Variants in CCSER1 observed in about 807,000 individuals in gnomAD.
The protein encoded by CCSER1 is serine-rich coiled-coil domain-containing protein 1.
Under a neutral mutation model 82.0 loss-of-function variants are expected in CCSER1, and 41 were observed. That is an observed-to-expected ratio of 0.50 (90% CI 0.39 to 0.65). The LOEUF is 0.65. CCSER1 is among the 30% of genes least tolerant of loss of function. CCSER1 has a pLI of 0.00. For synonymous variants in CCSER1, 414 were observed against 383.9 expected (o/e 1.08, Z -0.92); for missense variants, 1,119 against 1,064.2 (o/e 1.05, Z -0.72).
At chr4:90,719,532 C>T (rs577132029) in intron 6 of CCSER1, among the ~76,000 whole-genome samples, 9 of 152,110 alleles carry the variant, frequency 5.9e-5, no homozygotes, top group African/African-American at 2.2e-4. Context: ...AGGTTGAAGA[C>T]CATTGCTTTA....
intron 1 of CCSER1, among the ~76,000 whole-genome samples, chr4:90,236,782 C>T (rs967100752): frequency 1.3e-5 from 2 of 151,080 alleles, no homozygotes; most frequent in South Asian, 2.1e-4. Flanking sequence ...AAAAAATTTG[C>T]GGGAATTTTG....
At chr4:90,740,053 C>G (rs1212635090) in intron 7 of CCSER1, among the ~76,000 whole-genome samples, 1 of 152,100 alleles carries the variant, frequency 6.6e-6, no homozygotes, top group African/African-American at 2.4e-5. Context: ...ATTGCTCCGC[C>G]TTCGTCACTA....
chr4:91,321,351 C>T (rs992379820), intron 10 of CCSER1, among the ~76,000 whole-genome samples: 8 of 151,982 alleles, frequency 5.3e-5, no homozygotes, highest in African/African-American at 1.4e-4. Context: ...ATAGCTTGAG[C>T]GGCCAAAATT....
chr4:91,288,514 C>G (rs767483512), intron 10 of CCSER1, among the ~76,000 whole-genome samples: 14 of 151,904 alleles, frequency 9.2e-5, no homozygotes, highest in Admixed American at 2.0e-4. Flanking sequence ...TGAGAATTTG[C>G]ACCTGCTTAC....
At chr4:90,482,431 T>C (rs1375464580) in intron 5 of CCSER1, among the ~76,000 whole-genome samples, 1 of 152,210 alleles carries the variant, frequency 6.6e-6, no homozygotes, top group Non-Finnish European at 1.5e-5. Context: ...ATGTGTTTGC[T>C]CTTGCTTCTC....
chr4:91,556,288 C>A (rs1006903768), intron 10 of CCSER1, among the ~76,000 whole-genome samples: 3 of 77,342 alleles, frequency 3.9e-5, no homozygotes, highest in Non-Finnish European at 7.5e-5. Context: ...CCCAACTTAT[C>A]TGTAAACTGT....
chr4:90,685,366 T>G (rs17183003), intron 6 of CCSER1, among the ~76,000 whole-genome samples: 1 of 151,874 alleles, frequency 6.6e-6, no homozygotes, highest in Non-Finnish European at 1.5e-5. Context: ...CCCTGGTAGA[T>G]TTTTCAGAAT....
chr4:90,304,467 C>T (rs1177037113), intron 1 of CCSER1, among the ~76,000 whole-genome samples: 11 of 152,248 alleles, frequency 7.2e-5, no homozygotes, highest in Non-Finnish European at 1.2e-4. Context: ...ACTATGCAGC[C>T]ATAAAAAATG....
At chr4:91,458,356 C>T (rs1379695262) in intron 10 of CCSER1, among the ~76,000 whole-genome samples, 1 of 152,104 alleles carries the variant, frequency 6.6e-6, no homozygotes, top group African/African-American at 2.4e-5. Context: ...TCTGGGTTCT[C>T]TCTTCTCTTC....
chr4:91,578,189 C>G (rs924454729), intron 10 of CCSER1, among the ~76,000 whole-genome samples: 3 of 151,898 alleles, frequency 2.0e-5, no homozygotes, highest in Non-Finnish European at 4.4e-5. Flanking sequence ...CCTGGAATAT[C>G]TTGTCTTCTG....
intron 10 of CCSER1, among the ~76,000 whole-genome samples, chr4:91,232,474 G>A (rs564489582): frequency 6.6e-6 from 1 of 151,892 alleles, no homozygotes; most frequent in East Asian, 1.9e-4. Flanking sequence ...ACAGCATAGT[G>A]TATATAATAT....
chr4:91,396,075 T>C (rs17018451), intron 10 of CCSER1, among the ~76,000 whole-genome samples: 4,887 of 152,168 alleles, frequency 0.032, 245 homozygotes, highest in African/African-American at 0.11. Flanking sequence ...TCAGACCTAG[T>C]ACTTGAAATA....
chr4:90,665,479 G>A (rs557772978), intron 6 of CCSER1, among the ~76,000 whole-genome samples: 1 of 151,828 alleles, frequency 6.6e-6, no homozygotes, highest in Non-Finnish European at 1.5e-5. Context: ...CCGCCACCTC[G>A]CCCGGCTAAT....
chr4:91,520,571 T>A (rs1017563992), intron 10 of CCSER1, among the ~76,000 whole-genome samples: 2 of 152,176 alleles, frequency 1.3e-5, no homozygotes, highest in African/African-American at 2.4e-5. Flanking sequence ...AAAAACACAT[T>A]TTTTACTGTG....
At chr4:90,781,958 G>A in intron 7 of CCSER1, 1 of 905,782 alleles carries the variant, frequency 1.1e-6, no homozygotes, top group Non-Finnish European at 1.3e-6. Context: ...TGTATTAAAT[G>A]CCCGATATAG....
At chr4:90,140,271 A>T (rs2153333608) in intron 1 of CCSER1, among the ~76,000 whole-genome samples, 1 of 152,316 alleles carries the variant, frequency 6.6e-6, no homozygotes, top group Non-Finnish European at 1.5e-5. Context: ...AGTGAAACTT[A>T]AAGGGATGAA....
chr4:91,377,811 T>G (rs1301213014), intron 10 of CCSER1, among the ~76,000 whole-genome samples: 2 of 152,214 alleles, frequency 1.3e-5, no homozygotes, highest in Admixed American at 1.3e-4. Flanking sequence ...GTTTTAGACA[T>G]GAAGTCCTTG....
intron 10 of CCSER1, among the ~76,000 whole-genome samples, chr4:91,534,120 CTA>C (rs1761176383): frequency 6.6e-6 from 1 of 152,066 alleles, no homozygotes; most frequent in South Asian, 2.1e-4. Context: ...TAGCCACAAT[CTA>C]TACTCCGTCA....
chr4:90,785,226 TG>T (rs1338572067), intron 7 of CCSER1, among the ~76,000 whole-genome samples: 7 of 152,002 alleles, frequency 4.6e-5, no homozygotes, highest in African/African-American at 1.7e-4. Flanking sequence ...TTTATGGAGA[TG>T]GGGTTTCACC....
Sources: allele counts gnomAD v4.1 joint callset (sites outside exome capture counted in the v4.1 genomes callset), GRCh38; gene constraint gnomAD v4.1.1; transcripts MANE v1.5; gene names NCBI Gene and HGNC (gene_info 2026-07-23, HGNC 2026-07-21).